CD226: variants seen among roughly 807,000 people sequenced by gnomAD.
CD226 encodes the protein CD226 molecule.
Under a neutral mutation model 34.9 loss-of-function variants are expected in CD226, and 24 were observed. That is an observed-to-expected ratio of 0.69 (90% CI 0.50 to 0.97). CD226 has a LOEUF of 0.97. CD226 is among the 50% of genes least tolerant of loss of function. The probability of loss-of-function intolerance (pLI) is 0.00; values close to 1 mark genes in which losing one functional copy is unlikely to be tolerated. For missense variants in CD226, 397 were observed against 412.7 expected (o/e 0.96, Z 0.33); for synonymous variants, 148 against 147.4 (o/e 1.00, Z -0.03).
At chr18:69,877,542 C>T (rs1983952567) in intron 3 of CD226, among the ~76,000 whole-genome samples, 1 of 152,162 alleles carries the variant, frequency 6.6e-6, no homozygotes, top group African/African-American at 2.4e-5. Flanking sequence ...CCTGTCCAGA[C>T]TTTAGATATG....
chr18:69,953,644 T>C (rs1399685217), intron 1 of CD226, among the ~76,000 whole-genome samples: 3 of 152,180 alleles, frequency 2.0e-5, no homozygotes, highest in Non-Finnish European at 4.4e-5. Context: ...TGGAATCTGA[T>C]AAAAGCGGTC....
Position 69,946,947 on chromosome 18 carries a change from G to T in CD226, c.169C>A (p.Gln57Lys). The change falls in exon 2 of 6, where the codon CAG (glutamine) becomes AAG (lysine). Residue 57 changes from glutamine to lysine, a missense_variant. Physicochemically the swap from Gln to Lys is moderately conservative, Grantham distance 53. Transcript: ENST00000582621. ...QVEWFKIGTQ[Q>K]DSIAIFSPTH... The stretch of plus-strand genomic sequence containing the variant: ...GGGCTGAAAATGGCTATGGAATCCT[G>T]CTGGGTCCCGATCTTGAACCACTCC... 6.2e-7 allele frequency: 1 copy of T among 1,614,134 alleles called. No individual in the cohort carries two copies. The highest frequency in any genetic ancestry group is 8.5e-7 in the Non-Finnish European group (1 of 1,180,010).
At chr18:69,927,082 T>C (rs1284582687) in intron 2 of CD226, among the ~76,000 whole-genome samples, 1 of 152,144 alleles carries the variant, frequency 6.6e-6, no homozygotes, top group Non-Finnish European at 1.5e-5. Context: ...GATGGTGCTT[T>C]TGGGGACATC....
chr18:69,925,303 T>A (rs975160035), intron 2 of CD226, among the ~76,000 whole-genome samples: 5 of 152,158 alleles, frequency 3.3e-5, no homozygotes, highest in Non-Finnish European at 7.4e-5. Flanking sequence ...ACTTCGTGCA[T>A]AACCAAATAC....
chr18:69,918,591 G>A (rs2055414011), intron 2 of CD226, among the ~76,000 whole-genome samples: 1 of 152,094 alleles, frequency 6.6e-6, no homozygotes, highest in Admixed American at 6.5e-5. Flanking sequence ...AGCTATTAAG[G>A]ATAGAGTGGA....
intron 3 of CD226, among the ~76,000 whole-genome samples, chr18:69,880,357 A>AAAGAAAGGAAGG (rs1568165014): frequency 2.2e-5 from 2 of 89,532 alleles, no homozygotes; most frequent in African/African-American, 7.4e-5. Flanking sequence ...AGAAAGAAAG[A>AAAGAAAGGAAGG]AAGGAAGGAA....
In CD226 at chr18:69,896,053, G is replaced by A; in HGVS notation, c.383-8C>T. The A allele has an allele frequency of 5.0e-6, 8 of 1,600,008 alleles. No individual in the cohort carries two copies. Among genetic ancestry groups the A allele is most frequent in the Non-Finnish European group, 6.8e-6 (8 of 1,175,172 alleles). On this transcript the variant is annotated splice_region_variant and splice_polypyrimidine_tract_variant and intron_variant, in intron 2 of 5. Coordinates refer to ENST00000582621, the MANE Select transcript of CD226 (RefSeq NM_001303618.2). ...CAGCTGCCTCAAAACTATCTGAAAA[G>A]AAGAAGCAAATGATTAGATACAGGT... is the stretch of plus-strand genomic sequence containing the variant.
In CD226 at chr18:69,860,942, T is replaced by C. The variant is rs1315027071; in HGVS notation, c.*3372A>G. On this transcript the variant is annotated 3_prime_UTR_variant, in exon 6 of 6. Coordinates refer to ENST00000582621, the MANE Select transcript of CD226 (RefSeq NM_001303618.2). ...CAGTACAAAATACAGTACATCATTA[T>C]AAATCAAGGAGAAGCATTTTGGTCA... 2.0e-5 allele frequency: 3 copies of C among 152,120 alleles called. No homozygotes were observed. In the East Asian group the frequency reaches 5.8e-4, roughly 29 times the overall value. The allele number at this position is 152,120 out of a possible 1,614,324, so 9.4% of individuals were successfully genotyped here.
At chr18:69,922,179 C>T (rs1725776398) in intron 2 of CD226, among the ~76,000 whole-genome samples, 1 of 152,086 alleles carries the variant, frequency 6.6e-6, no homozygotes, top group African/African-American at 2.4e-5. Flanking sequence ...ATCTAAAAAG[C>T]ATAAATATTT....
At chr18:69,918,543 G>A (rs1269087926) in intron 2 of CD226, among the ~76,000 whole-genome samples, 1 of 152,196 alleles carries the variant, frequency 6.6e-6, no homozygotes, top group East Asian at 1.9e-4. Flanking sequence ...TGGTGACAGA[G>A]TGGGACTCTG....
At chr18:69,883,537 T>G (rs1024637648) in intron 3 of CD226, among the ~76,000 whole-genome samples, 1 of 152,230 alleles carries the variant, frequency 6.6e-6, no homozygotes, top group African/African-American at 2.4e-5. Flanking sequence ...GTTATATCTA[T>G]TGTCCTCTGT....
chr18:69,913,907 TACTA>T, intron 2 of CD226, among the ~76,000 whole-genome samples: 1 of 152,346 alleles, frequency 6.6e-6, no homozygotes, highest in East Asian at 1.9e-4. Context: ...AGATGTTTCT[TACTA>T]AAGTGTGAAG....
chr18:69,879,816 G>C (rs894006982), intron 3 of CD226, among the ~76,000 whole-genome samples: 1 of 152,182 alleles, frequency 6.6e-6, no homozygotes, highest in African/African-American at 2.4e-5. Flanking sequence ...CAGTCCCTCC[G>C]TTCAGGTTCC....
intron 2 of CD226, among the ~76,000 whole-genome samples, chr18:69,923,612 A>C (rs2055481161): frequency 2.0e-5 from 3 of 152,222 alleles, no homozygotes; most frequent in Admixed American, 2.0e-4. Flanking sequence ...AGAAAGTGAC[A>C]ACCTCGATAG....
Position 69,901,801 on chromosome 18 carries a change from C to A in CD226, c.383-5756G>T, listed in dbSNP as rs940419113. Among the ~76,000 whole-genome samples, 6 of 151,978 alleles carry A rather than the reference C, an allele frequency of 3.9e-5. No individual in the cohort carries two copies. The East Asian group carries it at 9.7e-4, about 25-fold the overall frequency. On this transcript the variant is annotated intron_variant, in intron 2 of 5. Coordinates refer to ENST00000582621, the MANE Select transcript of CD226 (RefSeq NM_001303618.2). ...GGCTGAGGCAGAAGAATGGCGTGAA[C>A]CCGGGAGGCAGAGCTTGCAGTGAGC...
intron 2 of CD226, among the ~76,000 whole-genome samples, chr18:69,923,916 T>G (rs1319143161): frequency 1.3e-4 from 19 of 148,356 alleles, no homozygotes; most frequent in Non-Finnish European, 2.8e-4. Flanking sequence ...ATCGCGCCAC[T>G]GCACTCCAGC....
rs879940575 is a variant in CD226 at position 69,853,607 on chromosome 18, C to T, written c.*10707G>A. 1.3e-5 allele frequency: 2 copies of T among 152,190 alleles called. No homozygotes were observed. The highest frequency in any genetic ancestry group is 2.9e-5 in the Non-Finnish European group (2 of 68,028). The allele number at this position is 152,190 out of a possible 1,614,324, so 9.4% of individuals were successfully genotyped here. On this transcript the variant is annotated 3_prime_UTR_variant, in exon 6 of 6. Transcript: ENST00000582621. ...CCATGTGACTCATATTTCATTTTAA[C>T]AGAATTTCCCCCAAAAAATGCTTGT...
At chr18:69,887,689 C>G (rs1232096628) in intron 3 of CD226, among the ~76,000 whole-genome samples, 3 of 152,182 alleles carry the variant, frequency 2.0e-5, no homozygotes, top group Non-Finnish European at 4.4e-5. Flanking sequence ...GAAAGACTCT[C>G]TCCCTGTGAG....
chr18:69,928,842 A>G (rs1442707372), intron 2 of CD226, among the ~76,000 whole-genome samples: 1 of 152,240 alleles, frequency 6.6e-6, no homozygotes, highest in Admixed American at 6.5e-5. Context: ...AAAAGGCACA[A>G]GCAAAAATAT....
Sources: gnomAD v4.1 joint callset for allele counts (sites outside exome capture counted in the v4.1 genomes callset) on GRCh38, gnomAD v4.1.1 for gene constraint, MANE v1.5 for transcripts, NCBI Gene and HGNC (gene_info 2026-07-23, HGNC 2026-07-21) for gene names.